The following SUSD1 variants were observed in gnomAD, a reference collection of about 807,000 sequenced individuals.
The protein encoded by SUSD1 is sushi domain-containing protein 1.
Under a neutral mutation model 86.9 loss-of-function variants are expected in SUSD1, and 65 were observed. That is an observed-to-expected ratio of 0.75 (90% CI 0.61 to 0.92). The LOEUF (loss-of-function observed/expected upper bound fraction) is 0.92, where lower values mean the gene tolerates loss of function less well. Among genes scored for constraint, SUSD1 ranks in the 40% least tolerant of loss-of-function variants. The pLI is 0.00. For synonymous variants in SUSD1, 346 were observed against 350.0 expected, an observed-to-expected ratio of 0.99 and a Z score of 0.13; for missense variants, 850 against 929.7, an observed-to-expected ratio of 0.91 and a Z score of 1.11.
chr9:112,099,549 G>A (rs1564293213), intron 9 of SUSD1, among the ~76,000 whole-genome samples: 1 of 152,126 alleles, frequency 6.6e-6, no homozygotes, highest in Non-Finnish European at 1.5e-5. Flanking sequence ...AAGGGCTTTT[G>A]ATCCATGGAG....
chr9:112,170,520 C>T (rs1207895589), intron 1 of SUSD1, among the ~76,000 whole-genome samples: 8 of 152,026 alleles, frequency 5.3e-5, no homozygotes, highest in African/African-American at 1.9e-4. Context: ...CAGCCACCAA[C>T]ACCCTCCTGC....
intron 7 of SUSD1, 30 bp downstream of exon 7, chr9:112,112,741 T>G: frequency 6.7e-7 from 1 of 1,489,690 alleles, no homozygotes; most frequent in Non-Finnish European, 9.4e-7. Context: ...GTGTCTGTCC[T>G]AGCAGGAAAA....
chr9:112,125,015 C>T (rs1044178049), intron 5 of SUSD1, among the ~76,000 whole-genome samples: 55 of 152,058 alleles, frequency 3.6e-4, no homozygotes, highest in African/African-American at 1.3e-3. Flanking sequence ...GAACTATCTA[C>T]AGGTAAAAGA....
intron 5 of SUSD1, among the ~76,000 whole-genome samples, chr9:112,125,633 T>A (rs945991638): frequency 6.6e-6 from 1 of 152,130 alleles, no homozygotes; most frequent in African/African-American, 2.4e-5. Context: ...TTCTCCCCAA[T>A]CCGTAGAAAG....
intron 1 of SUSD1, among the ~76,000 whole-genome samples, chr9:112,160,299 T>C (rs1833510808): frequency 6.6e-6 from 1 of 152,070 alleles, no homozygotes; most frequent in Admixed American, 6.6e-5. Context: ...ATCTCAGCAC[T>C]TTGGGAGGCC....
intron 3 of SUSD1, among the ~76,000 whole-genome samples, chr9:112,147,180 C>T (rs1832839737): frequency 1.3e-5 from 2 of 152,176 alleles, no homozygotes; most frequent in South Asian, 4.1e-4. Flanking sequence ...GTCTGCTCGT[C>T]ACCCTTCCAC....
intron 5 of SUSD1, among the ~76,000 whole-genome samples, chr9:112,125,846 T>A (rs1262226496): frequency 6.6e-6 from 1 of 152,214 alleles, no homozygotes; most frequent in East Asian, 1.9e-4. Context: ...CTCTTTTACA[T>A]CCCATTATGG....
intron 5 of SUSD1, among the ~76,000 whole-genome samples, chr9:112,130,437 G>C (rs1439849398): frequency 1.3e-5 from 2 of 149,860 alleles, no homozygotes; most frequent in Non-Finnish European, 3.0e-5. Context: ...AGAGAGGAGA[G>C]GGGAGAAGGA....
At chr9:112,095,936 T>G (rs1307182941) in intron 10 of SUSD1, among the ~76,000 whole-genome samples, 3 of 152,108 alleles carry the variant, frequency 2.0e-5, no homozygotes, top group Middle Eastern at 3.4e-3. Flanking sequence ...AATGGAAAGG[T>G]TTTAATCTTT....
chr9:112,174,905 C>G (rs767048134), intron 1 of SUSD1, among the ~76,000 whole-genome samples: 1 of 151,686 alleles, frequency 6.6e-6, no homozygotes, highest in South Asian at 2.1e-4. Flanking sequence ...CGGCGTCCCC[C>G]GGCGTCGCGG....
intron 5 of SUSD1, among the ~76,000 whole-genome samples, chr9:112,137,080 C>T: frequency 6.6e-6 from 1 of 152,164 alleles, no homozygotes; most frequent in East Asian, 1.9e-4. Flanking sequence ...TAAGTCACTT[C>T]CTTATCCTGG....
At chr9:112,173,550 G>A in intron 1 of SUSD1, 1 of 329,864 alleles carries the variant, frequency 3.0e-6, no homozygotes, top group South Asian at 2.9e-5. Flanking sequence ...AGGGGCCTGA[G>A]CTCCTTCGGG....
intron 14 of SUSD1, among the ~76,000 whole-genome samples, chr9:112,054,585 T>A (rs1228694349): frequency 1.3e-4 from 19 of 147,958 alleles, no homozygotes; most frequent in Non-Finnish European, 2.5e-4. Context: ...AAACACTGTC[T>A]CAAAAAAAAA....
intron 5 of SUSD1, among the ~76,000 whole-genome samples, chr9:112,125,092 T>C (rs1026439366): frequency 6.6e-6 from 1 of 152,182 alleles, no homozygotes; most frequent in Non-Finnish European, 1.5e-5. Context: ...AAGTCATTTT[T>C]AGATATTTCA....
In SUSD1 at chr9:112,094,378, G is replaced by A. The variant is rs144146232; in HGVS notation, c.1474+4092C>T. Among the ~76,000 whole-genome samples, 7 of 152,258 alleles carry A rather than the reference G, an allele frequency of 4.6e-5. No homozygotes were observed. In the East Asian group the frequency reaches 1.3e-3, roughly 29 times the overall value. On this transcript the variant is annotated intron_variant, in intron 10 of 16. Coordinates refer to ENST00000374270, the MANE Select transcript of SUSD1 (RefSeq NM_022486.5). Reference sequence around the variant, plus strand: ...GATCCACGGTTTCTCCACAGGCTGAGTTCACCCCCACACCAAGGGCTTTTA... The same window carrying A: ...GATCCACGGTTTCTCCACAGGCTGAATTCACCCCCACACCAAGGGCTTTTA...
At chr9:112,152,771 T>TTG (rs1833119136) in intron 2 of SUSD1, among the ~76,000 whole-genome samples, 1 of 142,278 alleles carries the variant, frequency 7.0e-6, no homozygotes, top group Admixed American at 7.1e-5. Flanking sequence ...TTTTTTTTTT[T>TTG]GTAAACAGGG....
chr9:112,098,712 C>T (rs780937072), intron 9 of SUSD1, 50 bp from the exon 10 acceptor site: 1 of 1,565,808 alleles, frequency 6.4e-7, no homozygotes, highest in Admixed American at 1.7e-5. Context: ...CATTGACTAA[C>T]AGGTGCCTAG....
At chr9:112,045,877 G>T (rs893266026) in intron 15 of SUSD1, among the ~76,000 whole-genome samples, 13 of 152,184 alleles carry the variant, frequency 8.5e-5, no homozygotes, top group African/African-American at 3.1e-4. Flanking sequence ...AACCTATGTA[G>T]GGTAGCAAGC....
In SUSD1 at chr9:112,058,314, G is replaced by C. The variant is rs148836573; in HGVS notation, c.2109+114C>G. The C allele has an allele frequency of 2.1e-5, 28 of 1,329,702 alleles. 1 individual carries two copies. Among genetic ancestry groups the C allele is most frequent in the South Asian group, 3.1e-5 (2 of 65,502 alleles). The allele number at this position is 1,329,702 out of a possible 1,614,324, so 82.4% of individuals were successfully genotyped here. On this transcript the variant is annotated intron_variant, in intron 14 of 16. Coordinates refer to ENST00000374270, the MANE Select transcript of SUSD1 (RefSeq NM_022486.5). ...AAGGCAAAGTATTCACAAACATTTTGTGATTGTTACATGCAGTGACCCTCT... is the reference window on the plus strand; with the variant it reads ...AAGGCAAAGTATTCACAAACATTTTCTGATTGTTACATGCAGTGACCCTCT...
Sources: gnomAD v4.1 joint callset for allele counts (sites outside exome capture counted in the v4.1 genomes callset) on GRCh38, gnomAD v4.1.1 for gene constraint, MANE v1.5 for transcripts, NCBI Gene and HGNC (gene_info 2026-07-23, HGNC 2026-07-21) for gene names.